Variants in EPB41L2 observed in about 807,000 individuals in gnomAD.
EPB41L2 encodes band 4.1-like protein 2.
In EPB41L2, 43 loss-of-function variants were observed where a neutral mutation model predicts 113.0. That is an observed-to-expected ratio of 0.38 (90% CI 0.30 to 0.49). EPB41L2 has a LOEUF of 0.49. Ranked by LOEUF, EPB41L2 falls within the 20% of genes least tolerant of loss-of-function variation. EPB41L2 has a pLI of 0.95. For missense variants in EPB41L2, 1,147 were observed against 1,223.4 expected (o/e 0.94, Z 0.93); for synonymous variants, 442 against 436.7 (o/e 1.01, Z -0.15).
intron 1 of EPB41L2, among the ~76,000 whole-genome samples, chr6:131,058,508 T>C (rs995955490): frequency 4.6e-5 from 7 of 152,158 alleles, no homozygotes; most frequent in Non-Finnish European, 8.8e-5. Context: ...ACATGAAACA[T>C]TACCCATTTC....
Position 130,912,083 on chromosome 6 carries a change from T to A in EPB41L2, c.811-3220A>T, listed in dbSNP as rs78656029. Among the ~76,000 whole-genome samples, 1,702 of 152,220 alleles carry A rather than the reference T, an allele frequency of 0.011. 178 individuals are homozygous for A. In the East Asian group the frequency reaches 0.26, roughly 23 times the overall value. ...TTGTGAACTGCACAAGAGAGGGATC[T>A]AGGCTGCACACTCCTTATGAGACTC... On this transcript the variant is annotated intron_variant, in intron 4 of 19. Coordinates refer to ENST00000337057, the MANE Select transcript of EPB41L2 (RefSeq NM_001431.4).
At chr6:130,872,795 A>G (rs947406913) in intron 14 of EPB41L2, among the ~76,000 whole-genome samples, 3 of 152,124 alleles carry the variant, frequency 2.0e-5, no homozygotes, top group Non-Finnish European at 4.4e-5. Flanking sequence ...CTGATCACCA[A>G]CTGAGCACAA....
chr6:130,843,760 A>G (rs558231610), intron 19 of EPB41L2, among the ~76,000 whole-genome samples: 3 of 152,304 alleles, frequency 2.0e-5, no homozygotes, highest in Middle Eastern at 3.4e-3. Flanking sequence ...CTTTTGGCCA[A>G]TGTGAGAATA....
At chr6:131,037,750 G>T (rs1374250331) in intron 1 of EPB41L2, among the ~76,000 whole-genome samples, 2 of 151,988 alleles carry the variant, frequency 1.3e-5, no homozygotes, top group African/African-American at 2.4e-5. Flanking sequence ...CACCACGCCT[G>T]ACTAGTTTTT....
chr6:130,987,356 C>T lies in EPB41L2; in HGVS notation c.-14-30857G>A, dbSNP rs920523889. On this transcript the variant is annotated intron_variant, in intron 1 of 19. Transcript: ENST00000337057. ...TCCCACCAGTAGTATACGTGGGTTC[C>T]AATCTCCTGGGCCTACTGTGGCCAA... Among the ~76,000 whole-genome samples the T allele has an allele frequency of 3.9e-5, 6 of 152,288 alleles. 1 individual carries two copies. In the South Asian group the frequency reaches 1.2e-3, roughly 32 times the overall value.
chr6:131,023,747 C>CTA (rs59964541), intron 1 of EPB41L2, among the ~76,000 whole-genome samples: 3 of 123,038 alleles, frequency 2.4e-5, no homozygotes, highest in African/African-American at 8.0e-5. Context: ...ATCTATATAT[C>CTA]TATATATAGA....
chr6:130,929,886 CACACACACACAT>C lies in EPB41L2; in HGVS notation c.706-3189_706-3178del, dbSNP rs756056232. 8.8e-4 allele frequency among the ~76,000 whole-genome samples: 131 copies of C among 148,380 alleles called. 5 individuals carry two copies. The highest frequency in any genetic ancestry group is 6.9e-3 in the South Asian group (31 of 4,490). On this transcript the variant is annotated intron_variant, in intron 3 of 19. Coordinates refer to ENST00000337057, the MANE Select transcript of EPB41L2 (RefSeq NM_001431.4). The stretch of plus-strand genomic sequence containing the variant: ...ACACACACACACACACACACACACA[CACACACACACAT>C]ACACGCACAGTCATAAAGTGGTATA...
chr6:130,867,269 T>C (rs907914954), intron 16 of EPB41L2, among the ~76,000 whole-genome samples, 190 bp downstream of exon 16: 3 of 152,210 alleles, frequency 2.0e-5, no homozygotes, highest in Non-Finnish European at 4.4e-5. Flanking sequence ...GGGTTACCAA[T>C]TTAATTGCAG....
In EPB41L2 at chr6:130,877,167, A is replaced by G. The variant is rs1787829557; in HGVS notation, c.2043+937T>C. On this transcript the variant is annotated intron_variant, in intron 14 of 19. Transcript: ENST00000337057. ...CAAACTTAGAAATTTAAAGCAACTAACAGCTTTTCTTTTTAAGGAAAGGTG... is the reference window on the plus strand; with the variant it reads ...CAAACTTAGAAATTTAAAGCAACTAGCAGCTTTTCTTTTTAAGGAAAGGTG... 2.0e-5 allele frequency among the ~76,000 whole-genome samples: 3 copies of G among 152,356 alleles called. No individual in the cohort carries two copies. In the South Asian group the frequency reaches 6.2e-4, roughly 32 times the overall value.
intron 1 of EPB41L2, among the ~76,000 whole-genome samples, chr6:131,025,258 T>C (rs1790593168): frequency 6.6e-6 from 1 of 152,134 alleles, no homozygotes; most frequent in Non-Finnish European, 1.5e-5. Flanking sequence ...TTTTGAAGGC[T>C]AAATGAGATA....
intron 1 of EPB41L2, among the ~76,000 whole-genome samples, chr6:130,975,220 T>G (rs879486585): frequency 6.6e-6 from 1 of 152,202 alleles, no homozygotes; most frequent in Non-Finnish European, 1.5e-5. Flanking sequence ...ACATGTATTT[T>G]GAGAAGACCA....
chr6:130,845,717 A>C (rs1403198822), intron 19 of EPB41L2, among the ~76,000 whole-genome samples: 1 of 152,206 alleles, frequency 6.6e-6, no homozygotes, highest in Non-Finnish European at 1.5e-5. Context: ...ACTTGCAGTA[A>C]AATAGAGAAG....
chr6:130,867,103 A>G (rs1173048650), intron 16 of EPB41L2, among the ~76,000 whole-genome samples: 3 of 152,202 alleles, frequency 2.0e-5, no homozygotes, highest in Non-Finnish European at 4.4e-5. Context: ...TTATTAATCG[A>G]TGAATTATAT....
At chr6:130,848,190 C>CTG (rs1777608622) in intron 19 of EPB41L2, among the ~76,000 whole-genome samples, 4 of 115,604 alleles carry the variant, frequency 3.5e-5, no homozygotes, top group East Asian at 2.6e-4. Context: ...CTGTCTCTCT[C>CTG]TCTCTCTCTC....
At chr6:130,887,416 T>A (rs572834277) in intron 11 of EPB41L2, among the ~76,000 whole-genome samples, 25 of 152,026 alleles carry the variant, frequency 1.6e-4, no homozygotes, top group Admixed American at 7.9e-4. Flanking sequence ...ATTTTTTTTT[T>A]AAAAGATAAC....
intron 4 of EPB41L2, among the ~76,000 whole-genome samples, chr6:130,923,762 G>A (rs796393463): frequency 8.5e-5 from 13 of 152,310 alleles, no homozygotes; most frequent in African/African-American, 2.4e-4. Context: ...CGTCCTCACC[G>A]TTTACGGTTA....
At chr6:131,048,692 A>G (rs1795963341) in intron 1 of EPB41L2, among the ~76,000 whole-genome samples, 1 of 152,252 alleles carries the variant, frequency 6.6e-6, no homozygotes, top group Non-Finnish European at 1.5e-5. Flanking sequence ...TAACTGTTGA[A>G]GCCAGGCGAG....
intron 4 of EPB41L2, among the ~76,000 whole-genome samples, chr6:130,915,139 T>C (rs1205543561): frequency 6.6e-6 from 1 of 151,686 alleles, no homozygotes. Flanking sequence ...CCGTCTCTAC[T>C]AAAAATACAA....
chr6:130,903,671 T>C (rs1009032580), intron 6 of EPB41L2, among the ~76,000 whole-genome samples: 1 of 120,602 alleles, frequency 8.3e-6, no homozygotes, highest in Non-Finnish European at 2.0e-5. Flanking sequence ...ATAAAAATCA[T>C]CCTTTAAAAA....
Sources: allele counts gnomAD v4.1 joint callset (sites outside exome capture counted in the v4.1 genomes callset), GRCh38; gene constraint gnomAD v4.1.1; transcripts MANE v1.5; gene names NCBI Gene and HGNC (gene_info 2026-07-23, HGNC 2026-07-21).